KBTBD12: variants seen among roughly 807,000 people sequenced by gnomAD.
KBTBD12 encodes the protein kelch repeat and BTB domain containing 12.
Under a neutral mutation model 58.7 loss-of-function variants are expected in KBTBD12, and 53 were observed. The observed-to-expected ratio is 0.90, with a 90% CI of 0.72 to 1.14. The LOEUF (loss-of-function observed/expected upper bound fraction) is 1.14, where lower values mean the gene tolerates loss of function less well. Ranked by LOEUF, KBTBD12 falls within the 50% of genes most tolerant of loss-of-function variation. KBTBD12 has a pLI of 0.00. For missense variants in KBTBD12, 704 were observed against 751.3 expected (o/e 0.94, Z 0.74); for synonymous variants, 236 against 259.8 (o/e 0.91, Z 0.88).
In KBTBD12 at chr3:127,967,052, T is replaced by C. The variant is rs1245728323; in HGVS notation, c.1690+3666T>C. ...CAGACATACAGTGCCTCCAAAATTT[T>C]TTCTCCTGTGTGCCCTTTTATCAGG... is the stretch of plus-strand genomic sequence containing the variant. On this transcript the variant is annotated intron_variant, in intron 5 of 5. Transcript: ENST00000405109. 3.3e-5 allele frequency among the ~76,000 whole-genome samples: 5 copies of C among 152,186 alleles called. No individual in the cohort carries two copies. The East Asian group carries it at 9.6e-4, about 29-fold the overall frequency.
At chr3:127,959,024 T>C (rs771346342) in intron 4 of KBTBD12, among the ~76,000 whole-genome samples, 1 of 152,222 alleles carries the variant, frequency 6.6e-6, no homozygotes, top group Non-Finnish European at 1.5e-5. Context: ...AAGAGCCTCC[T>C]GTGTTAGACT....
chr3:127,930,110 A>G, intron 3 of KBTBD12, 23 bp from the exon 4 acceptor site: 1 of 1,557,694 alleles, frequency 6.4e-7, no homozygotes, highest in Non-Finnish European at 8.7e-7. Flanking sequence ...ATGTTATTAT[A>G]TTGGCTGTCA....
chr3:127,921,571 C>T (rs1388556705), intron 1 of KBTBD12, among the ~76,000 whole-genome samples: 1 of 151,954 alleles, frequency 6.6e-6, no homozygotes, highest in East Asian at 1.9e-4. Flanking sequence ...ATATAACTGC[C>T]CAGGTATTTT....
At chr3:127,956,274 C>T (rs1576386599) in intron 4 of KBTBD12, among the ~76,000 whole-genome samples, 1 of 152,140 alleles carries the variant, frequency 6.6e-6, no homozygotes, top group Admixed American at 6.5e-5. Flanking sequence ...TCCCAAATTG[C>T]AACTTAGCTA....
At chr3:127,919,949 GT>G (rs1002492119) in intron 1 of KBTBD12, among the ~76,000 whole-genome samples, 2 of 152,158 alleles carry the variant, frequency 1.3e-5, no homozygotes, top group Admixed American at 1.3e-4. Context: ...AATAAAGCAT[GT>G]CTTGGATACC....
chr3:127,960,695 C>T (rs1052335270), intron 4 of KBTBD12, among the ~76,000 whole-genome samples: 1 of 152,230 alleles, frequency 6.6e-6, no homozygotes, highest in African/African-American at 2.4e-5. Context: ...GGTGGAATTA[C>T]ATCCAAGTGA....
intron 4 of KBTBD12, among the ~76,000 whole-genome samples, chr3:127,946,499 A>T (rs1373152305): frequency 6.6e-6 from 1 of 152,204 alleles, no homozygotes; most frequent in African/African-American, 2.4e-5. Flanking sequence ...TGTCAGTCTC[A>T]TAGTGGTTCC....
chr3:127,973,743 T>C (rs1326200901), intron 5 of KBTBD12, among the ~76,000 whole-genome samples: 1 of 152,230 alleles, frequency 6.6e-6, no homozygotes, highest in African/African-American at 2.4e-5. Flanking sequence ...TTCAGTGTAC[T>C]ATTCTTTCAC....
rs755283389 is a variant in KBTBD12, at chr3:127,984,238, C to A, written c.1832C>A (p.Pro611His). 1 of 1,613,810 alleles carries A rather than the reference C, an allele frequency of 6.2e-7. No homozygotes were observed. The highest frequency in any genetic ancestry group is 8.5e-7 in the Non-Finnish European group (1 of 1,179,886). The part of the protein sequence containing the change: ...VARMNPRDLI[P>H]PPSDLVEEGN... ...AGGATGAATCCCCGAGACCTCATCC[C>A]CCCGCCTTCAGATTTGGTGGAAGAA... The change falls in exon 6 of 6, where the codon CCC (proline) becomes CAC (histidine). Residue 611 changes from proline (P) to histidine (H), a missense_variant. Coordinates refer to ENST00000405109, the MANE Select transcript of KBTBD12 (RefSeq NM_207335.4).
intron 5 of KBTBD12, among the ~76,000 whole-genome samples, chr3:127,969,066 A>C (rs1940637906): frequency 6.6e-6 from 1 of 152,340 alleles, no homozygotes; most frequent in African/African-American, 2.4e-5. Context: ...TCTATTCAGC[A>C]TTATACTGGA....
chr3:127,986,747 A>G lies in KBTBD12; in HGVS notation c.*2469A>G, dbSNP rs1386369111. ...CGTGATCTGCCCGCCTCGGCCTCCC[A>G]AAGTGCTGGGATTACAGGCATGAGC... On this transcript the variant is annotated 3_prime_UTR_variant, in exon 6 of 6. Coordinates refer to ENST00000405109, the MANE Select transcript of KBTBD12 (RefSeq NM_207335.4). 1.3e-5 allele frequency: 2 copies of G among 152,360 alleles called. No homozygotes were observed. The highest frequency in any genetic ancestry group is 2.9e-5 in the Non-Finnish European group (2 of 68,216). The allele number at this position is 152,360 out of a possible 1,614,324, so 9.4% of individuals were successfully genotyped here.
chr3:127,917,938 G>A (rs1369937687), intron 1 of KBTBD12, among the ~76,000 whole-genome samples: 1 of 152,184 alleles, frequency 6.6e-6, no homozygotes, highest in Non-Finnish European at 1.5e-5. Flanking sequence ...GGCCAGGTAT[G>A]GTGGCTCAAG....
At chr3:127,968,895 G>T (rs569209512) in intron 5 of KBTBD12, among the ~76,000 whole-genome samples, 4 of 152,154 alleles carry the variant, frequency 2.6e-5, no homozygotes, top group Non-Finnish European at 5.9e-5. Context: ...GCACCCTTTC[G>T]TGCTATAGAT....
chr3:127,981,954 T>C (rs115676870), intron 5 of KBTBD12, among the ~76,000 whole-genome samples: 3,101 of 152,306 alleles, frequency 0.02, 34 homozygotes, highest in Non-Finnish European at 0.023. Context: ...GAAACGAGGC[T>C]GGGCACTTTA....
intron 2 of KBTBD12, among the ~76,000 whole-genome samples, chr3:127,924,337 CATAAAT>C (rs1353807510): frequency 6.8e-6 from 1 of 147,736 alleles, no homozygotes; most frequent in Non-Finnish European, 1.5e-5. Context: ...ATCTATAACT[CATAAAT>C]ATAGCATATA....
intron 4 of KBTBD12, among the ~76,000 whole-genome samples, chr3:127,939,494 A>C (rs1229342028): frequency 6.6e-6 from 1 of 152,186 alleles, no homozygotes; most frequent in Admixed American, 6.5e-5. Flanking sequence ...GGGAGGGTAA[A>C]TGGAACTATA....
Position 127,960,120 on chromosome 3 carries a change from C to T in KBTBD12, c.1493-3069C>T, listed in dbSNP as rs115345399. On this transcript the variant is annotated intron_variant, in intron 4 of 5. Coordinates refer to ENST00000405109, the MANE Select transcript of KBTBD12 (RefSeq NM_207335.4). ...GCAGGCAGAGGACATTGGGAGCAAG[C>T]ACCACTGCATTCAAGGGCAACTTGG... Among the ~76,000 whole-genome samples, 695 of 152,282 alleles carry T rather than the reference C, an allele frequency of 4.6e-3. 3 individuals carry two copies. Among genetic ancestry groups the T allele is most frequent in the African/African-American group, 0.016 (669 of 41,548 alleles).
intron 5 of KBTBD12, among the ~76,000 whole-genome samples, chr3:127,969,006 G>T (rs1365342218): frequency 2.6e-5 from 4 of 152,086 alleles, no homozygotes; most frequent in Non-Finnish European, 4.4e-5. Context: ...AAGACTGAAA[G>T]GTTTCCCCCT....
intron 5 of KBTBD12, among the ~76,000 whole-genome samples, chr3:127,977,380 T>C (rs1940801335): frequency 6.6e-6 from 1 of 152,258 alleles, no homozygotes; most frequent in Non-Finnish European, 1.5e-5. Context: ...CGAATGATAG[T>C]TCTGTTTTAA....
Sources: gnomAD v4.1 joint callset for allele counts (sites outside exome capture counted in the v4.1 genomes callset) on GRCh38, gnomAD v4.1.1 for gene constraint, MANE v1.5 for transcripts, NCBI Gene and HGNC (gene_info 2026-07-23, HGNC 2026-07-21) for gene names.